LBHD2: variants seen among roughly 807,000 people sequenced by gnomAD.
LBHD2 encodes LBH domain containing 2.
At position 103,089,983 on chromosome 14, in the gene LBHD2, G is replaced by T; in HGVS notation, c.*186G>T. ...ATGGCCCAGGTCTGGATCACACCCC[G>T]CTTTGTTCCGTGGTTTGAAGCAGAA... is the stretch of plus-strand genomic sequence containing the variant. On this transcript the variant is annotated 3_prime_UTR_variant, in exon 4 of 4. Transcript: ENST00000634353. The T allele has an allele frequency of 5.0e-6, 2 of 396,150 alleles. No individual in the cohort carries two copies. The highest frequency in any genetic ancestry group is 8.9e-6 in the Non-Finnish European group (2 of 224,988). The allele number at this position is 396,150 out of a possible 1,614,324, so 24.5% of individuals were successfully genotyped here. A position where few individuals can be genotyped will look rare whatever the true frequency, so the allele number is the denominator to read the frequency against.
Position 103,084,348 on chromosome 14 carries a change from G to C in LBHD2, c.-38+1G>C, listed in dbSNP as rs1889605591. ...GCCCCGGGAGCGCCCTGACGGCTAG[G>C]TGCGGGGTGGTTGGGAGCGGGAGGA... On this transcript the variant is annotated splice_donor_variant, in intron 1 of 3. Transcript: ENST00000634353. LOFTEE classifies it low-confidence loss of function (5UTR_SPLICE). The C allele has an allele frequency of 6.6e-6, 1 of 152,246 alleles. No homozygotes were observed. Among genetic ancestry groups the C allele is most frequent in the Non-Finnish European group, 1.5e-5 (1 of 68,102 alleles). The allele number at this position is 152,246 out of a possible 1,614,324, so 9.4% of individuals were successfully genotyped here.
chr14:103,087,685 C>G (rs1006232851), intron 2 of LBHD2, among the ~76,000 whole-genome samples: 1 of 152,234 alleles, frequency 6.6e-6, no homozygotes, highest in African/African-American at 2.4e-5. Flanking sequence ...AAGGGCCCAG[C>G]AGGGAAGACC....
intron 3 of LBHD2, among the ~76,000 whole-genome samples, chr14:103,088,972 C>T (rs766432408): frequency 1.3e-5 from 2 of 152,160 alleles, no homozygotes; most frequent in Admixed American, 1.3e-4. Context: ...CCAGCCTGGG[C>T]GATAGAGTGA....
At chr14:103,089,160 G>T (rs877497) in intron 3 of LBHD2, among the ~76,000 whole-genome samples, 41,985 of 151,978 alleles carry the variant, frequency 0.28, 6,171 homozygotes, top group East Asian at 0.36. Flanking sequence ...CTGTGCCCTG[G>T]GAGATGTTGT....
chr14:103,087,705 G>T (rs1205222409), intron 2 of LBHD2, among the ~76,000 whole-genome samples: 1 of 152,250 alleles, frequency 6.6e-6, no homozygotes, highest in African/African-American at 2.4e-5. Flanking sequence ...CCCAGGAAGG[G>T]ACTGGCAGGA....
intron 2 of LBHD2, 36 bp downstream of exon 2, chr14:103,086,117 G>A (rs1444055430): frequency 5.0e-6 from 2 of 398,514 alleles, no homozygotes; most frequent in Admixed American, 4.4e-5. Context: ...TCGGGAGGGA[G>A]CAAGCCTCAA....
rs899145454 is a variant in LBHD2 at position 103,089,770 on chromosome 14, G to A, written c.300G>A (p.Glu100=). 25 of 398,554 alleles carry A rather than the reference G, an allele frequency of 6.3e-5. No homozygotes were observed. Among genetic ancestry groups the A allele is most frequent in the Non-Finnish European group, 1.1e-4 (24 of 226,094 alleles). The allele number at this position is 398,554 out of a possible 1,614,324, so 24.7% of individuals were successfully genotyped here. A position where few individuals can be genotyped will look rare whatever the true frequency, so the allele number is the denominator to read the frequency against. The stretch of plus-strand genomic sequence containing the variant: ...CTGGCAGCGAGTGTGCCTGCTCCGA[G>A]GACCCAGCAGCCCCGGCCCGGGGAT... The part of the protein sequence containing the change: ...DNAGSECACS[E]DPAAPARG Residue 100 remains glutamate, a synonymous_variant, in exon 4 of 4, where the codon GAG becomes GAA. Coordinates refer to ENST00000634353, the MANE Select transcript of LBHD2 (RefSeq NM_001330236.2).
At chr14:103,087,462 C>T (rs546842056) in intron 2 of LBHD2, among the ~76,000 whole-genome samples, 12 of 152,334 alleles carry the variant, frequency 7.9e-5, no homozygotes, top group Admixed American at 5.9e-4. Context: ...TCAGGGCCAC[C>T]GGGGCGCTGA....
chr14:103,086,737 CA>C (rs1189181979), intron 2 of LBHD2, among the ~76,000 whole-genome samples: 4 of 152,002 alleles, frequency 2.6e-5, no homozygotes, highest in Admixed American at 2.6e-4. Context: ...GCTCCCTACA[CA>C]GGGTCGCAGC....
At chr14:103,088,720 G>C (rs773427802) in intron 3 of LBHD2, among the ~76,000 whole-genome samples, 1 of 152,212 alleles carries the variant, frequency 6.6e-6, no homozygotes, top group South Asian at 2.1e-4. Context: ...CAGGCCAGGC[G>C]CGGTGGCTCA....
At chr14:103,086,291 A>C (rs1450242381) in intron 2 of LBHD2, among the ~76,000 whole-genome samples, 10 of 152,176 alleles carry the variant, frequency 6.6e-5, no homozygotes. Flanking sequence ...GGCTCACTGC[A>C]GCCTCCGCCT....
Position 103,089,921 on chromosome 14 carries a change from C to A in LBHD2, c.*124C>A. Reference sequence around the variant, plus strand: ...AAAGCCCAGAGGCTGCTTCCTGTGTCACAGGGTCTGGACCGCAGCCCTGCC... The same window carrying A: ...AAAGCCCAGAGGCTGCTTCCTGTGTAACAGGGTCTGGACCGCAGCCCTGCC... On this transcript the variant is annotated 3_prime_UTR_variant, in exon 4 of 4. Transcript: ENST00000634353. The A allele has an allele frequency of 2.5e-6, 1 of 397,538 alleles. No individual in the cohort carries two copies. Among genetic ancestry groups the A allele is most frequent in the South Asian group, 1.4e-4 (1 of 7,274 alleles). The allele number at this position is 397,538 out of a possible 1,614,324, so 24.6% of individuals were successfully genotyped here.
intron 2 of LBHD2, among the ~76,000 whole-genome samples, chr14:103,086,844 T>C (rs1889642033): frequency 1.3e-5 from 2 of 152,184 alleles, no homozygotes; most frequent in South Asian, 4.1e-4. Context: ...TGGAGTCATA[T>C]AGGGACCAGT....
At chr14:103,085,920 G>C in intron 1 of LBHD2, 56 bp from the exon 2 acceptor site, 1 of 397,998 alleles carries the variant, frequency 2.5e-6, no homozygotes, top group East Asian at 3.6e-5. Flanking sequence ...TGAAGCCTTC[G>C]GGGGAGTGTG....
Position 103,089,992 on chromosome 14 carries a change from C to A in LBHD2, c.*195C>A. The A allele has an allele frequency of 2.5e-6, 1 of 395,180 alleles. No homozygotes were observed. Among genetic ancestry groups the A allele is most frequent in the Non-Finnish European group, 4.5e-6 (1 of 224,386 alleles). 24.5% of individuals were successfully genotyped at this position (395,180 alleles called of 1,614,324 possible). ...GTCTGGATCACACCCCGCTTTGTTC[C>A]GTGGTTTGAAGCAGAAATAAAGGCA... On this transcript the variant is annotated 3_prime_UTR_variant, in exon 4 of 4. Coordinates refer to ENST00000634353, the MANE Select transcript of LBHD2 (RefSeq NM_001330236.2).
chr14:103,087,911 T>A (rs1203823770), intron 2 of LBHD2, among the ~76,000 whole-genome samples, 174 bp from the exon 3 acceptor site: 1 of 152,066 alleles, frequency 6.6e-6, no homozygotes, highest in Non-Finnish European at 1.5e-5. Flanking sequence ...GGGTAGGGCC[T>A]GGGACCTGTC....
At position 103,084,725 on chromosome 14, in the gene LBHD2, C is replaced by G. The variant is rs757990467; in HGVS notation, c.-38+378C>G. ...TGTGGGTCTGTTTCTGTCTCTCTCT[C>G]TCTCTCTCTTCTCCTCTGTCTCCAG... On this transcript the variant is annotated intron_variant, in intron 1 of 3. Coordinates refer to ENST00000634353, the MANE Select transcript of LBHD2 (RefSeq NM_001330236.2). Among the ~76,000 whole-genome samples the G allele has an allele frequency of 3.9e-5, 6 of 152,280 alleles. No homozygotes were observed. The East Asian group carries it at 7.7e-4, about 20-fold the overall frequency.
At chr14:103,087,490 G>A (rs371553606) in intron 2 of LBHD2, among the ~76,000 whole-genome samples, 4 of 152,338 alleles carry the variant, frequency 2.6e-5, no homozygotes, top group African/African-American at 7.2e-5. Flanking sequence ...AGTTCTGCAC[G>A]TAGCACTGCA....
At chr14:103,087,047 C>T (rs1889644234) in intron 2 of LBHD2, among the ~76,000 whole-genome samples, 1 of 152,228 alleles carries the variant, frequency 6.6e-6, no homozygotes, top group African/African-American at 2.4e-5. Flanking sequence ...GGATGAGCCC[C>T]CCTGGCTGGC....
Sources: allele counts gnomAD v4.1 joint callset (sites outside exome capture counted in the v4.1 genomes callset), GRCh38; gene constraint gnomAD v4.1.1; transcripts MANE v1.5; gene names NCBI Gene and HGNC (gene_info 2026-07-23, HGNC 2026-07-21).